Variants in TRPS1 observed in about 807,000 individuals in gnomAD.
TRPS1 encodes transcriptional repressor GATA binding 1, also known as zinc finger transcription factor Trps1.
In TRPS1, 6 loss-of-function variants were observed where a neutral mutation model predicts 101.2. The observed-to-expected ratio is 0.06, with a 90% CI of 0.03 to 0.12. TRPS1 has a LOEUF of 0.12. Among genes scored for constraint, TRPS1 ranks in the 10% least tolerant of loss-of-function variants. The pLI is 1.00. For missense variants in TRPS1, 1,363 were observed against 1,567.0 expected, an observed-to-expected ratio of 0.87 and a Z score of 2.20; for synonymous variants, 578 against 589.8, an observed-to-expected ratio of 0.98 and a Z score of 0.29.
intron 1 of TRPS1, among the ~76,000 whole-genome samples, chr8:115,661,341 A>C (rs764706048): frequency 1.3e-5 from 2 of 152,086 alleles, no homozygotes; most frequent in Non-Finnish European, 2.9e-5. Context: ...AATAGTTAGC[A>C]TTCTAAATTC....
chr8:115,429,775 T>A (rs1418983355), intron 5 of TRPS1, among the ~76,000 whole-genome samples: 1 of 152,194 alleles, frequency 6.6e-6, no homozygotes, highest in Non-Finnish European at 1.5e-5. Context: ...TATGTTTATA[T>A]TCTTTTTCTG....
chr8:115,574,920 T>TA (rs1349990173), intron 5 of TRPS1, among the ~76,000 whole-genome samples: 7 of 152,236 alleles, frequency 4.6e-5, no homozygotes, highest in Non-Finnish European at 4.4e-5. Context: ...TAATAATGTT[T>TA]AAAAAACTTC....
At position 115,418,758 on chromosome 8, in the gene TRPS1, T is replaced by C. The variant is rs1029623688; in HGVS notation, c.2701-306A>G. On this transcript the variant is annotated intron_variant, in intron 5 of 6. Transcript: ENST00000395715. This position sits in a 1 kb window ranked among gnomAD's most constrained non-coding sequence, Gnocchi z 4.3. ...TAAATGCTGAACCCTAAAATATACC[T>C]TTTAAAAGTGTCAAAACATACGTCA... 1.3e-5 allele frequency among the ~76,000 whole-genome samples: 2 copies of C among 152,172 alleles called. No homozygotes were observed. Among genetic ancestry groups the C allele is most frequent in the African/African-American group, 4.8e-5 (2 of 41,440 alleles).
At chr8:115,477,009 T>C (rs1056958723) in intron 5 of TRPS1, among the ~76,000 whole-genome samples, 4 of 152,212 alleles carry the variant, frequency 2.6e-5, no homozygotes, top group Admixed American at 2.0e-4. Context: ...TTCAATTTTA[T>C]AGCCTTCATT....
At chr8:115,493,934 A>T (rs185448985) in intron 5 of TRPS1, among the ~76,000 whole-genome samples, 40 of 152,260 alleles carry the variant, frequency 2.6e-4, no homozygotes, top group African/African-American at 9.6e-4. Context: ...TATAAAGGAA[A>T]CTCTAAATTC....
intron 5 of TRPS1, among the ~76,000 whole-genome samples, chr8:115,428,841 G>A (rs1385159172): frequency 6.6e-6 from 1 of 152,128 alleles, no homozygotes; most frequent in African/African-American, 2.4e-5. Flanking sequence ...CTCAGGACGG[G>A]TAAAATCATA....
At chr8:115,568,198 T>A (rs1817114670) in intron 5 of TRPS1, among the ~76,000 whole-genome samples, 2 of 152,070 alleles carry the variant, frequency 1.3e-5, no homozygotes, top group South Asian at 4.1e-4. Context: ...GCCAGACACA[T>A]TTTATATAAG....
intron 5 of TRPS1, among the ~76,000 whole-genome samples, chr8:115,522,727 C>T (rs190610932): frequency 7.0e-4 from 106 of 152,112 alleles, no homozygotes; most frequent in Non-Finnish European, 7.9e-4. Context: ...AATGTAAATT[C>T]GACATATTTT....
At chr8:115,449,078 A>G (rs998806165) in intron 5 of TRPS1, among the ~76,000 whole-genome samples, 7 of 152,220 alleles carry the variant, frequency 4.6e-5, no homozygotes, top group Admixed American at 2.0e-4. Flanking sequence ...AACCTATTAT[A>G]ATATTTGAAA....
At position 115,418,442 on chromosome 8, in the gene TRPS1, C is replaced by G. The variant is rs1455396054; in HGVS notation, c.2711G>C (p.Gly904Ala). ...ESQSLLRRRR[G>A]SGVFCANCLT... is the part of the protein sequence containing the mutation. ...GCAATTGGCACAAAAAACACCGGAG[C>G]CTCTACGCCTCTGAAACAGGGGAAA... Residue 904 changes from glycine (G) to alanine (A), a missense_variant, in exon 6 of 7, where the codon GGC becomes GCC. Physicochemically the swap from Gly to Ala is moderately conservative, Grantham distance 60. Coordinates refer to ENST00000395715, the MANE Select transcript of TRPS1 (RefSeq NM_014112.5). The surrounding 1 kb of genome is among the most constrained non-coding windows in gnomAD (Gnocchi z 4.3). 1 of 1,614,082 alleles carries G rather than the reference C, an allele frequency of 6.2e-7. No individual in the cohort carries two copies. The highest frequency in any genetic ancestry group is 8.5e-7 in the Non-Finnish European group (1 of 1,179,976).
At chr8:115,496,817 G>A (rs531654972) in intron 5 of TRPS1, among the ~76,000 whole-genome samples, 1 of 152,204 alleles carries the variant, frequency 6.6e-6, no homozygotes, top group Admixed American at 6.5e-5. Context: ...ACAACAGTTA[G>A]CAGTTTTCTA....
At chr8:115,482,405 AT>A (rs534679066) in intron 5 of TRPS1, among the ~76,000 whole-genome samples, 3,318 of 151,722 alleles carry the variant, frequency 0.022, 118 homozygotes, top group African/African-American at 0.069. Flanking sequence ...AAGTAAATTA[AT>A]TTTTTTTTAC....
chr8:115,558,930 TA>T (rs1816886354), intron 5 of TRPS1, among the ~76,000 whole-genome samples: 1 of 152,100 alleles, frequency 6.6e-6, no homozygotes, highest in Admixed American at 6.6e-5. Flanking sequence ...ATGCTATACC[TA>T]AAAAAATTCA....
chr8:115,437,658 G>T (rs1193721551), intron 5 of TRPS1, among the ~76,000 whole-genome samples: 1 of 152,148 alleles, frequency 6.6e-6, no homozygotes, highest in Non-Finnish European at 1.5e-5. Flanking sequence ...CGAACAAGAA[G>T]GAAGTTTTTG....
chr8:115,534,451 T>G (rs1176298088), intron 5 of TRPS1, among the ~76,000 whole-genome samples: 1 of 151,990 alleles, frequency 6.6e-6, no homozygotes, highest in East Asian at 1.9e-4. Context: ...AGATTGAAGC[T>G]CTAACCCCGA....
intron 1 of TRPS1, among the ~76,000 whole-genome samples, chr8:115,625,376 C>A (rs1818483083): frequency 6.6e-6 from 1 of 151,896 alleles, no homozygotes; most frequent in Non-Finnish European, 1.5e-5. Context: ...AATTCCCCCA[C>A]CTCTGTGACT....
intron 5 of TRPS1, among the ~76,000 whole-genome samples, chr8:115,466,330 T>C (rs565254351): frequency 2.0e-5 from 3 of 152,280 alleles, no homozygotes; most frequent in East Asian, 3.9e-4. Context: ...AGGGGAAACA[T>C]AATTCTATAA....
rs1817091624 is a variant in TRPS1, at chr8:115,567,279, A to G, written c.2700+19722T>C. On this transcript the variant is annotated intron_variant, in intron 5 of 6. Transcript: ENST00000395715. Reference sequence around the variant, plus strand: ...AAACTCAGTACATCAATTCCTAGTTACAGACATATTTTTTCCACATGTTGA... The same window carrying G: ...AAACTCAGTACATCAATTCCTAGTTGCAGACATATTTTTTCCACATGTTGA... 2.0e-5 allele frequency among the ~76,000 whole-genome samples: 3 copies of G among 152,310 alleles called. No individual in the cohort carries two copies. The South Asian group carries it at 6.2e-4, about 32-fold the overall frequency.
At chr8:115,535,236 C>CATATATAGCATATATATAGCAT (rs749904586) in intron 5 of TRPS1, among the ~76,000 whole-genome samples, 7 of 118,546 alleles carry the variant, frequency 5.9e-5, no homozygotes, top group South Asian at 2.7e-4. Context: ...ATATATATAG[C>CATATATAGCATATATATAGCAT]ATATATAGCA....
Sources: gnomAD v4.1 joint callset for allele counts (sites outside exome capture counted in the v4.1 genomes callset) on GRCh38, gnomAD v4.1.1 for gene constraint, Gnocchi (gnomAD v3.1) non-coding constraint, MANE v1.5 for transcripts, NCBI Gene and HGNC (gene_info 2026-07-23, HGNC 2026-07-21) for gene names.